The following FARP1 variants were observed in gnomAD, a reference collection of about 807,000 sequenced individuals.
FARP1 encodes the protein FERM, ARH/RhoGEF and pleckstrin domain protein 1.
Under a neutral mutation model 128.8 loss-of-function variants are expected in FARP1, and 52 were observed. The ratio of observed to expected loss-of-function variants is 0.40; its 90% CI spans 0.32 to 0.51. The LOEUF is 0.51. Ranked by LOEUF, FARP1 falls within the 20% of genes least tolerant of loss-of-function variation. FARP1 has a pLI of 0.45. For synonymous variants in FARP1, 580 were observed against 551.8 expected (o/e 1.05, Z -0.72); for missense variants, 1,333 against 1,367.9 (o/e 0.97, Z 0.40).
intron 3 of FARP1, among the ~76,000 whole-genome samples, chr13:98,356,545 G>A (rs1184229570): frequency 6.6e-6 from 1 of 152,030 alleles, no homozygotes; most frequent in Non-Finnish European, 1.5e-5. Context: ...TTGTTATTAA[G>A]TGTATAAATA....
At chr13:98,331,568 G>A (rs1887510596) in intron 2 of FARP1, among the ~76,000 whole-genome samples, 1 of 152,218 alleles carries the variant, frequency 6.6e-6, no homozygotes, top group African/African-American at 2.4e-5. Context: ...ACCAAACGTT[G>A]AAAATAACAC....
intron 2 of FARP1, among the ~76,000 whole-genome samples, chr13:98,278,172 A>AGTGTGTGTGT (rs58097403): frequency 0.051 from 7,688 of 149,934 alleles, 285 homozygotes; most frequent in African/African-American, 0.11. Context: ...TGAGTGAGTG[A>AGTGTGTGTGT]GTGTGTGTGT....
At chr13:98,187,146 T>C (rs1878933401) in intron 1 of FARP1, among the ~76,000 whole-genome samples, 1 of 152,184 alleles carries the variant, frequency 6.6e-6, no homozygotes, top group African/African-American at 2.4e-5. Context: ...GGAATTGCCA[T>C]TCCATTTTCT....
chr13:98,182,740 G>A (rs1156683876), intron 1 of FARP1, among the ~76,000 whole-genome samples: 1 of 152,222 alleles, frequency 6.6e-6, no homozygotes. Flanking sequence ...ATTTGGCCGA[G>A]TACCAAGGTC....
At chr13:98,143,687 C>T (rs1359129754) in intron 1 of FARP1, among the ~76,000 whole-genome samples, 195 bp downstream of exon 1, 1 of 151,220 alleles carries the variant, frequency 6.6e-6, no homozygotes, top group Non-Finnish European at 1.5e-5. Flanking sequence ...GCCCCGGCCA[C>T]CATCGCAGGA....
In FARP1 at chr13:98,209,207, G is replaced by T. The variant is rs561832849; in HGVS notation, c.-23-4013G>T. Among the ~76,000 whole-genome samples the T allele has an allele frequency of 9.8e-4, 149 of 152,012 alleles. 1 individual carries two copies. Among genetic ancestry groups the T allele is most frequent in the Middle Eastern group, 3.4e-3 (1 of 292 alleles). ...GTATTTTTAGTAGAGACAGGGTTTC[G>T]CCGTGTTGTCCAGGATGGTCTCGAT... On this transcript the variant is annotated intron_variant, in intron 1 of 26. Transcript: ENST00000319562.
intron 2 of FARP1, among the ~76,000 whole-genome samples, chr13:98,292,117 G>T (rs375523383): frequency 3.9e-5 from 6 of 152,190 alleles, no homozygotes; most frequent in Admixed American, 6.5e-5. Flanking sequence ...AGTATAGTGT[G>T]TGCCCTTAAG....
intron 1 of FARP1, among the ~76,000 whole-genome samples, chr13:98,186,991 C>CAAAAAAAA (rs33992037): frequency 6.3e-5 from 3 of 47,828 alleles, no homozygotes; most frequent in African/African-American, 7.7e-5. Context: ...GATTCTGTCT[C>CAAAAAAAA]AAAAAAAAAA....
intron 11 of FARP1, among the ~76,000 whole-genome samples, chr13:98,393,089 T>TGAGAGGGAA (rs373583453): frequency 1.3e-4 from 20 of 152,336 alleles, no homozygotes; most frequent in African/African-American, 4.6e-4. Flanking sequence ...ATAGGCAGAC[T>TGAGAGGGAA]GAGAGGGAAG....
intron 1 of FARP1, among the ~76,000 whole-genome samples, chr13:98,146,957 G>T (rs1391233752): frequency 6.6e-6 from 1 of 152,198 alleles, no homozygotes; most frequent in Non-Finnish European, 1.5e-5. Context: ...TGGCAACTTA[G>T]GTAGGCTGTT....
In FARP1 at chr13:98,176,117, T is replaced by C; in HGVS notation, c.-24+32625T>C. On this transcript the variant is annotated intron_variant, in intron 1 of 26. Coordinates refer to ENST00000319562, the MANE Select transcript of FARP1 (RefSeq NM_005766.4). The surrounding 1 kb of genome is among the most constrained non-coding windows in gnomAD (Gnocchi z 6.2). ...AAGACTGTCATCTCTCTCATCTTAC[T>C]CAACAGGCTGCTTCTCCCCAGTGTA... is the stretch of plus-strand genomic sequence containing the variant. The C allele has an allele frequency of 6.5e-7, 1 of 1,543,816 alleles. No homozygotes were observed. The highest frequency in any genetic ancestry group is 8.9e-7 in the Non-Finnish European group (1 of 1,120,778).
At chr13:98,250,946 G>T (rs927080688) in intron 2 of FARP1, among the ~76,000 whole-genome samples, 4 of 152,168 alleles carry the variant, frequency 2.6e-5, no homozygotes, top group African/African-American at 9.7e-5. Context: ...CCACTTAGCT[G>T]TAAGGAGAGG....
intron 2 of FARP1, among the ~76,000 whole-genome samples, chr13:98,337,362 A>T (rs1887787507): frequency 6.6e-6 from 1 of 152,146 alleles, no homozygotes; most frequent in South Asian, 2.1e-4. Context: ...ACAGCAATAC[A>T]CTGTCTCCAA....
chr13:98,407,897 T>C (rs1479805256), intron 13 of FARP1, among the ~76,000 whole-genome samples: 1 of 152,220 alleles, frequency 6.6e-6, no homozygotes, highest in Non-Finnish European at 1.5e-5. Flanking sequence ...TAGGCTGTTG[T>C]ATCTTGTAAT....
chr13:98,264,128 C>T (rs1360093620), intron 2 of FARP1, among the ~76,000 whole-genome samples: 1 of 152,170 alleles, frequency 6.6e-6, no homozygotes, highest in Non-Finnish European at 1.5e-5. Context: ...AATGTGCTAA[C>T]CTGCAAAACG....
intron 16 of FARP1, among the ~76,000 whole-genome samples, chr13:98,418,356 C>A (rs1400638621): frequency 1.3e-5 from 2 of 152,006 alleles, no homozygotes; most frequent in African/African-American, 2.4e-5. Flanking sequence ...CTCACTGCAA[C>A]CTCCGTCTCC....
chr13:98,408,126 C>T (rs1891048415), intron 13 of FARP1, among the ~76,000 whole-genome samples: 1 of 152,182 alleles, frequency 6.6e-6, no homozygotes. Flanking sequence ...CTTTGCTTAC[C>T]TCATATTAGC....
At chr13:98,332,024 T>C (rs1385397386) in intron 2 of FARP1, among the ~76,000 whole-genome samples, 4 of 152,172 alleles carry the variant, frequency 2.6e-5, no homozygotes, top group Admixed American at 6.5e-5. Context: ...ATTTTGTAGA[T>C]TGTCAGTATT....
At chr13:98,428,301 C>T (rs926457307) in intron 17 of FARP1, among the ~76,000 whole-genome samples, 1 of 152,190 alleles carries the variant, frequency 6.6e-6, no homozygotes, top group African/African-American at 2.4e-5. Context: ...AAGGGCCTTT[C>T]ATCCTGACCT....
Sources: allele counts gnomAD v4.1 joint callset (sites outside exome capture counted in the v4.1 genomes callset), GRCh38; gene constraint gnomAD v4.1.1; non-coding constraint Gnocchi (gnomAD v3.1); transcripts MANE v1.5; gene names NCBI Gene and HGNC (gene_info 2026-07-23, HGNC 2026-07-21).